The following SHTN1 variants were observed in gnomAD, a reference collection of about 807,000 sequenced individuals.
SHTN1 encodes the protein shootin-1.
In SHTN1, 42 loss-of-function variants were observed where a neutral mutation model predicts 83.1. The observed-to-expected ratio is 0.51, with a 90% CI of 0.39 to 0.65. The LOEUF is 0.65. Among genes scored for constraint, SHTN1 ranks in the 30% least tolerant of loss-of-function variants. The pLI, the probability that SHTN1 is intolerant of heterozygous loss-of-function variation, is 0.00. For synonymous variants in SHTN1, 224 were observed against 247.7 expected, an observed-to-expected ratio of 0.90 and a Z score of 0.90; for missense variants, 622 against 737.8, an observed-to-expected ratio of 0.84 and a Z score of 1.82.
At chr10:116,948,833 G>T in intron 7 of SHTN1, 83 bp downstream of exon 7, 2 of 859,398 alleles carry the variant, frequency 2.3e-6, no homozygotes, top group Non-Finnish European at 1.6e-6. Flanking sequence ...TCATATTTAG[G>T]CACAGGTGTA....
At chr10:116,925,806 A>G (rs2133371949) in intron 11 of SHTN1, among the ~76,000 whole-genome samples, 1 of 152,266 alleles carries the variant, frequency 6.6e-6, no homozygotes, top group South Asian at 2.1e-4. Context: ...AAGAGAAGGG[A>G]AAAGCAGTAA....
chr10:117,004,114 T>C (rs146543411), intron 1 of SHTN1, among the ~76,000 whole-genome samples: 1 of 152,080 alleles, frequency 6.6e-6, no homozygotes, highest in African/African-American at 2.4e-5. Context: ...CTCGAACTCC[T>C]GACCTTAGGT....
At chr10:117,032,520 T>C (rs1852433435) in intron 2 of SHTN1, among the ~76,000 whole-genome samples, 1 of 152,044 alleles carries the variant, frequency 6.6e-6, no homozygotes, top group African/African-American at 2.4e-5. Context: ...CAATTTTAAA[T>C]AAACATGCAC....
At position 117,085,316 on chromosome 10, in the gene SHTN1, C is replaced by T. The variant is rs146985149; in HGVS notation, c.-188-36806G>A. Among the ~76,000 whole-genome samples the T allele has an allele frequency of 3.7e-3, 569 of 152,156 alleles. 4 individuals are homozygous for T. The highest frequency in any genetic ancestry group is 0.013 in the African/African-American group (538 of 41,518). On this transcript the variant is annotated intron_variant, in intron 1 of 17. Transcript: ENST00000392901. Reference sequence around the variant, plus strand: ...CCTCTGAACACTGCTTTTACTGGTCCCACAAATTTTGATAAGTTGTATTTT... The same window carrying T: ...CCTCTGAACACTGCTTTTACTGGTCTCACAAATTTTGATAAGTTGTATTTT...
At chr10:117,068,613 G>GA (rs776683897) in intron 1 of SHTN1, among the ~76,000 whole-genome samples, 269 of 130,770 alleles carry the variant, frequency 2.1e-3, no homozygotes, top group African/African-American at 2.8e-3. Flanking sequence ...GACTCCATCT[G>GA]AAAAAAAAAA....
intron 12 of SHTN1, among the ~76,000 whole-genome samples, 187 bp downstream of exon 12, chr10:116,921,247 G>A (rs1010489983): frequency 3.9e-5 from 6 of 152,062 alleles, no homozygotes; most frequent in Non-Finnish European, 5.9e-5. Context: ...TGAGGTGTGC[G>A]TGTTTATCTC....
At chr10:117,058,706 C>G (rs1852859421) in intron 1 of SHTN1, among the ~76,000 whole-genome samples, 1 of 152,112 alleles carries the variant, frequency 6.6e-6, no homozygotes, top group Non-Finnish European at 1.5e-5. Flanking sequence ...ATTTGTACAC[C>G]TATGTTCATG....
At chr10:116,909,078 T>G (rs1385583505) in intron 14 of SHTN1, among the ~76,000 whole-genome samples, 1 of 152,214 alleles carries the variant, frequency 6.6e-6, no homozygotes, top group Non-Finnish European at 1.5e-5. Flanking sequence ...GAAATTAACT[T>G]AGAAACTGTG....
chr10:117,000,763 G>T (rs1191047120), intron 1 of SHTN1, among the ~76,000 whole-genome samples: 1 of 152,070 alleles, frequency 6.6e-6, no homozygotes, highest in Non-Finnish European at 1.5e-5. Context: ...AAAGTATCCT[G>T]CCCTCCCGTG....
chr10:116,903,517 T>C (rs1254297150), intron 15 of SHTN1, among the ~76,000 whole-genome samples: 2 of 151,818 alleles, frequency 1.3e-5, no homozygotes, highest in Middle Eastern at 3.4e-3. Context: ...AAGAGAGACT[T>C]CATCTCAGAG....
At chr10:116,995,646 GTTC>G (rs1204343854) in intron 1 of SHTN1, among the ~76,000 whole-genome samples, 2 of 152,028 alleles carry the variant, frequency 1.3e-5, no homozygotes, top group African/African-American at 2.4e-5. Flanking sequence ...GGAAGAATCC[GTTC>G]TTCTTTTAAT....
At chr10:117,017,160 G>C (rs1461095337) in intron 2 of SHTN1, among the ~76,000 whole-genome samples, 3 of 152,120 alleles carry the variant, frequency 2.0e-5, no homozygotes, top group African/African-American at 7.2e-5. Context: ...ACCTGAAAGA[G>C]CTCTCAACAG....
chr10:116,897,393 T>C (rs1407410495), intron 16 of SHTN1, among the ~76,000 whole-genome samples: 2 of 152,192 alleles, frequency 1.3e-5, no homozygotes, highest in Admixed American at 6.5e-5. Context: ...AGTGAACACA[T>C]TGGCTAGGAA....
At chr10:116,887,470 C>A (rs1343310767) in intron 16 of SHTN1, among the ~76,000 whole-genome samples, 1 of 152,130 alleles carries the variant, frequency 6.6e-6, no homozygotes, top group Non-Finnish European at 1.5e-5. Context: ...TCCCTGAGAA[C>A]TGGCTGTTAA....
intron 9 of SHTN1, among the ~76,000 whole-genome samples, chr10:116,930,414 T>A (rs559822346): frequency 1.3e-5 from 2 of 152,250 alleles, no homozygotes; most frequent in East Asian, 3.9e-4. Flanking sequence ...TAAGCCCCAG[T>A]GTCTGTTGTT....
intron 2 of SHTN1, among the ~76,000 whole-genome samples, chr10:117,045,026 TACTGACA>T (rs1465884804): frequency 6.6e-6 from 1 of 152,228 alleles, no homozygotes; most frequent in Non-Finnish European, 1.5e-5. Flanking sequence ...TAGCAGGATA[TACTGACA>T]ACTTACAAAA....
chr10:116,914,663 T>TA lies in SHTN1; in HGVS notation c.1305+711dup, dbSNP rs201380860. Among the ~76,000 whole-genome samples the TA allele has an allele frequency of 5.7e-4, 87 of 151,862 alleles. No homozygotes were observed. In the East Asian group the frequency reaches 0.016, roughly 29 times the overall value. On this transcript the variant is annotated intron_variant, in intron 13 of 16. Coordinates refer to ENST00000355371, the MANE Select transcript of SHTN1 (RefSeq NM_001127211.3). The stretch of plus-strand genomic sequence containing the variant: ...AAGAACCGGTCAGTTCATACCTAAT[T>TA]AGAGAGGAGAGAGAGTATTTTTCAA...
rs1408600751 is a variant in SHTN1 at position 116,884,198 on chromosome 10, T to C, written c.*2146A>G. 1 of 456,906 alleles carries C rather than the reference T, an allele frequency of 2.2e-6. No homozygotes were observed. Among genetic ancestry groups the C allele is most frequent in the South Asian group, 1.5e-5 (1 of 64,566 alleles). The allele number at this position is 456,906 out of a possible 1,614,324, so 28.3% of individuals were successfully genotyped here. A position where few individuals can be genotyped will look rare whatever the true frequency, so the allele number is the denominator to read the frequency against. On this transcript the variant is annotated 3_prime_UTR_variant, in exon 17 of 17. Transcript: ENST00000355371. ...TGTGTGCAATAGCTATGAACATACCTTGCAGATATAAGCACGGTTCTCCTA... is the reference window on the plus strand; with the variant it reads ...TGTGTGCAATAGCTATGAACATACCCTGCAGATATAAGCACGGTTCTCCTA...
intron 10 of SHTN1, among the ~76,000 whole-genome samples, chr10:116,928,316 T>C (rs926132260): frequency 6.6e-6 from 1 of 152,220 alleles, no homozygotes; most frequent in African/African-American, 2.4e-5. Flanking sequence ...TGCATACTTC[T>C]CTCCCCTGCT....
Sources: gnomAD v4.1 joint callset for allele counts (sites outside exome capture counted in the v4.1 genomes callset) on GRCh38, gnomAD v4.1.1 for gene constraint, MANE v1.5 for transcripts, NCBI Gene and HGNC (gene_info 2026-07-23, HGNC 2026-07-21) for gene names.